The following ARMH4 variants were observed in gnomAD, a reference collection of about 807,000 sequenced individuals.
ARMH4 encodes the protein armadillo like helical domain containing 4.
ARMH4 carries 49 observed loss-of-function variants against 61.9 expected under a neutral mutation model. That is an observed-to-expected ratio of 0.79 (90% CI 0.63 to 1.00). ARMH4 has a LOEUF of 1.00. ARMH4 is among the 50% of genes least tolerant of loss of function. ARMH4 has a pLI of 0.00. For synonymous variants in ARMH4, 368 were observed against 341.5 expected, an observed-to-expected ratio of 1.08 and a Z score of -0.85; for missense variants, 934 against 930.0, an observed-to-expected ratio of 1.00 and a Z score of -0.06.
intron 2 of ARMH4, among the ~76,000 whole-genome samples, chr14:58,134,975 A>T (rs1887257969): frequency 1.3e-5 from 2 of 151,866 alleles, no homozygotes; most frequent in South Asian, 4.2e-4. Context: ...AAAAAAAAAA[A>T]ATTTATTAAT....
chr14:58,138,105 C>T lies in ARMH4; in HGVS notation c.1254G>A (p.Thr418=), dbSNP rs1351411583. The T allele has an allele frequency of 6.2e-6, 10 of 1,614,080 alleles. No individual in the cohort carries two copies. The highest frequency in any genetic ancestry group is 3.3e-5 in the South Asian group (3 of 91,082). Residue 418 remains threonine, a synonymous_variant, in exon 2 of 8, where the codon ACG becomes ACA. Transcript: ENST00000267485. ...CCTTGGTGGATTCCGTGAAGTCTCC[C>T]GTACTTTGGAGCAAGTTCACAATGG... ...KVSIVNLLQS[T]GDFTESTKEN...
chr14:58,080,966 G>A (rs1885205017), intron 5 of ARMH4, among the ~76,000 whole-genome samples: 2 of 151,972 alleles, frequency 1.3e-5, no homozygotes, highest in Non-Finnish European at 2.9e-5. Flanking sequence ...GCCAGGTGTG[G>A]TGGTGCACAC....
chr14:58,006,308 A>G (rs1006380135), intron 6 of ARMH4, among the ~76,000 whole-genome samples: 9 of 152,350 alleles, frequency 5.9e-5, no homozygotes, highest in African/African-American at 2.2e-4. Context: ...TCATAAGTCT[A>G]TTCATTTATA....
intron 4 of ARMH4, among the ~76,000 whole-genome samples, chr14:58,097,436 TC>T (rs1324100832): frequency 3.3e-5 from 5 of 152,200 alleles, no homozygotes; most frequent in African/African-American, 1.2e-4. Context: ...TTTCTATTCA[TC>T]CACATCAGTG....
At chr14:58,148,580 G>C (rs897485731) in intron 1 of ARMH4, among the ~76,000 whole-genome samples, 3 of 152,078 alleles carry the variant, frequency 2.0e-5, no homozygotes, top group Non-Finnish European at 2.9e-5. Flanking sequence ...TAGTAATAAG[G>C]GTAGGCACAA....
chr14:58,130,161 A>T (rs1887039330), intron 4 of ARMH4, among the ~76,000 whole-genome samples: 4 of 152,230 alleles, frequency 2.6e-5, no homozygotes, highest in Admixed American at 1.3e-4. Flanking sequence ...GATGGCATCA[A>T]GGAGAGCAGA....
At chr14:58,131,490 A>T (rs374832009) in intron 4 of ARMH4, 22 bp downstream of exon 4, 41 of 1,593,044 alleles carry the variant, frequency 2.6e-5, no homozygotes, top group Non-Finnish European at 3.1e-5. Context: ...CCTTGAAAAG[A>T]TCCCCTTCAA....
chr14:58,107,956 T>G (rs1886220677), intron 4 of ARMH4, among the ~76,000 whole-genome samples: 1 of 152,090 alleles, frequency 6.6e-6, no homozygotes, highest in Non-Finnish European at 1.5e-5. Flanking sequence ...GCATACGTTT[T>G]CCTGGGAACT....
intron 5 of ARMH4, among the ~76,000 whole-genome samples, chr14:58,096,193 G>A (rs1169597891): frequency 6.6e-6 from 1 of 152,196 alleles, no homozygotes; most frequent in Non-Finnish European, 1.5e-5. Flanking sequence ...CCACAAGTCT[G>A]AACAGAAAAA....
chr14:58,138,231 C>G lies in ARMH4; in HGVS notation c.1128G>C (p.Thr376=). ...ALGLPEGETH[T]GTALLIAHGN... ...CATGCGCTATTAGCAGGGCTGTGCC[C>G]GTGTGTGTTTCCCCTTCAGGCAGCC... The change falls in exon 2 of 8, where the codon ACG becomes ACC. Residue 376 remains threonine, a synonymous_variant. Coordinates refer to ENST00000267485, the MANE Select transcript of ARMH4 (RefSeq NM_001001872.4). 1 of 1,614,188 alleles carries G rather than the reference C, an allele frequency of 6.2e-7. No individual in the cohort carries two copies. Among genetic ancestry groups the G allele is most frequent in the Non-Finnish European group, 8.5e-7 (1 of 1,180,038 alleles).
chr14:58,003,916 A>T lies in ARMH4; in HGVS notation c.*820T>A, dbSNP rs1882066919. ...CTGAGAGCTTACCTACCCTCATCTCATTCTTGAATTCTTCTTCATTTTTTC... is the reference window on the plus strand; with the variant it reads ...CTGAGAGCTTACCTACCCTCATCTCTTTCTTGAATTCTTCTTCATTTTTTC... On this transcript the variant is annotated 3_prime_UTR_variant, in exon 8 of 8. Transcript: ENST00000267485. 6.6e-6 allele frequency: 1 copy of T among 152,176 alleles called. No homozygotes were observed. Among genetic ancestry groups the T allele is most frequent in the South Asian group, 2.1e-4 (1 of 4,810 alleles). 9.4% of individuals were successfully genotyped at this position (152,176 alleles called of 1,614,324 possible).
intron 5 of ARMH4, among the ~76,000 whole-genome samples, chr14:58,064,701 AT>A (rs1374566765): frequency 6.6e-6 from 1 of 152,216 alleles, no homozygotes; most frequent in East Asian, 1.9e-4. Flanking sequence ...GCTAGGTGCC[AT>A]TGATTTTTTG....
Position 58,005,105 on chromosome 14 carries a change from G to A in ARMH4, c.2199C>T (p.Tyr733=), listed in dbSNP as rs149538815. 2.6e-4 allele frequency: 426 copies of A among 1,613,882 alleles called. 1 individual carries two copies. The highest frequency in any genetic ancestry group is 3.5e-4 in the Non-Finnish European group (411 of 1,179,954). Residue 733 remains tyrosine (Y), a synonymous_variant, in exon 7 of 8, where the codon TAC becomes TAT. Transcript: ENST00000267485. ...AGALFILGAL[Y]SIKVMNRRRR... ...TTCGGCGATTCATAACCTTAATGCT[G>A]TAGAGGGCTCCCAAGATGAACAAGG...
intron 2 of ARMH4, among the ~76,000 whole-genome samples, chr14:58,134,381 A>G (rs935005850): frequency 9.9e-5 from 15 of 152,196 alleles, no homozygotes; most frequent in African/African-American, 2.9e-4. Flanking sequence ...CAAATACAGT[A>G]TTAAAGACTG....
intron 5 of ARMH4, among the ~76,000 whole-genome samples, chr14:58,094,307 G>C (rs1195665973): frequency 7.2e-6 from 1 of 137,960 alleles, no homozygotes; most frequent in Admixed American, 8.0e-5. Context: ...TCCAGCCTGA[G>C]CAACAGAGTG....
rs763083542 is a variant in ARMH4, at chr14:58,139,339, A to G, written c.20T>C (p.Leu7Ser). 7 of 1,614,156 alleles carry G rather than the reference A, an allele frequency of 4.3e-6. No homozygotes were observed. In the South Asian group the frequency reaches 6.6e-5, roughly 15 times the overall value. MRGPIV[L>S]HICLAFCSLL... The stretch of plus-strand genomic sequence containing the variant: ...GCTACAGAAAGCCAGACAAATGTGC[A>G]ATACAATCGGTCCTCTCATAGTGGA... Residue 7 changes from leucine (L) to serine (S), a missense_variant, in exon 2 of 8, where the codon TTG (leucine) becomes TCG (serine). Physicochemically the swap from Leu to Ser is moderately radical, Grantham distance 145 (BLOSUM62 -2). Transcript: ENST00000267485.
chr14:58,148,173 A>G (rs947513719), intron 1 of ARMH4, among the ~76,000 whole-genome samples: 3 of 152,102 alleles, frequency 2.0e-5, no homozygotes, highest in African/African-American at 7.2e-5. Flanking sequence ...CAGCCTCCCG[A>G]GTAGCTAGGA....
chr14:58,142,392 G>C lies in ARMH4; in HGVS notation c.-56-2978C>G, dbSNP rs540469471. On this transcript the variant is annotated intron_variant, in intron 1 of 7. Transcript: ENST00000267485. ...AAGAAAGGTAAAGTCCTCAGGACAT[G>C]ATCTACATGGCTGAAGACAAAAAGA... 2.0e-4 allele frequency among the ~76,000 whole-genome samples: 31 copies of C among 152,274 alleles called. No homozygotes were observed. In the South Asian group the frequency reaches 5.6e-3, roughly 28 times the overall value.
At chr14:58,087,408 G>C (rs1204319983) in intron 5 of ARMH4, among the ~76,000 whole-genome samples, 3 of 152,158 alleles carry the variant, frequency 2.0e-5, no homozygotes, top group East Asian at 1.9e-4. Context: ...GGTTAGCTGA[G>C]TGCTCTGGAC....
Sources: gnomAD v4.1 joint callset for allele counts (sites outside exome capture counted in the v4.1 genomes callset) on GRCh38, gnomAD v4.1.1 for gene constraint, MANE v1.5 for transcripts, NCBI Gene and HGNC (gene_info 2026-07-23, HGNC 2026-07-21) for gene names.